GPC6: variants seen among roughly 807,000 people sequenced by gnomAD.
The protein encoded by GPC6 is glypican 6, also known as glypican-6.
A neutral mutation model predicts 55.2 loss-of-function variants in GPC6; 14 were observed. That is an observed-to-expected ratio of 0.25 (90% CI 0.17 to 0.40). The LOEUF (loss-of-function observed/expected upper bound fraction) is 0.40, where lower values mean the gene tolerates loss of function less well. Ranked by LOEUF, GPC6 falls within the 10% of genes least tolerant of loss-of-function variation. GPC6 has a pLI of 1.00. For synonymous variants in GPC6, 278 were observed against 259.6 expected (o/e 1.07, Z -0.68); for missense variants, 641 against 708.5 (o/e 0.90, Z 1.08).
chr13:94,053,427 C>T lies in GPC6; in HGVS notation c.877+25533C>T, dbSNP rs1884023977. Among the ~76,000 whole-genome samples, 4 of 152,074 alleles carry T rather than the reference C, an allele frequency of 2.6e-5. No homozygotes were observed. In the South Asian group the frequency reaches 8.3e-4, roughly 32 times the overall value. On this transcript the variant is annotated intron_variant, in intron 4 of 8. Coordinates refer to ENST00000377047, the MANE Select transcript of GPC6 (RefSeq NM_005708.5). ...ATCATGAGCTTTTGGGGGCTAAAAGCCCAAAGGTAGTAATTGTTAAAATTA... is the reference window on the plus strand; with the variant it reads ...ATCATGAGCTTTTGGGGGCTAAAAGTCCAAAGGTAGTAATTGTTAAAATTA...
intron 1 of GPC6, among the ~76,000 whole-genome samples, chr13:93,415,387 T>C (rs1876659430): frequency 6.6e-6 from 1 of 152,128 alleles, no homozygotes; most frequent in African/African-American, 2.4e-5. Flanking sequence ...TATTTATCCA[T>C]AGCATCCATA....
intron 2 of GPC6, among the ~76,000 whole-genome samples, chr13:93,775,678 A>T (rs1236639042): frequency 1.8e-4 from 28 of 152,200 alleles, no homozygotes; most frequent in Admixed American, 1.8e-3. Context: ...GACATTTTCA[A>T]ATTGTCAATT....
chr13:94,328,923 G>A (rs1033771767), intron 6 of GPC6, among the ~76,000 whole-genome samples: 6 of 152,166 alleles, frequency 3.9e-5, no homozygotes, highest in African/African-American at 1.2e-4. Flanking sequence ...CCCTTTGAGC[G>A]ACAGGACTGT....
intron 4 of GPC6, among the ~76,000 whole-genome samples, chr13:94,264,227 T>C (rs1194452655): frequency 1.3e-5 from 2 of 152,236 alleles, no homozygotes; most frequent in Non-Finnish European, 1.5e-5. Flanking sequence ...TTGCATTCTA[T>C]GTTTGGCTAA....
In GPC6 at chr13:93,723,620, G is replaced by A. The variant is rs146895779; in HGVS notation, c.320-106534G>A. On this transcript the variant is annotated intron_variant, in intron 2 of 8. Transcript: ENST00000377047. ...TTGTTCTAAGCTACTGTCTTTTGGTGTCATTTGTTATCCAGCCATGGATAA... is the reference window on the plus strand; with the variant it reads ...TTGTTCTAAGCTACTGTCTTTTGGTATCATTTGTTATCCAGCCATGGATAA... Among the ~76,000 whole-genome samples, 5 of 151,980 alleles carry A rather than the reference G, an allele frequency of 3.3e-5. No homozygotes were observed. In the East Asian group the frequency reaches 9.8e-4, roughly 30 times the overall value.
intron 3 of GPC6, among the ~76,000 whole-genome samples, chr13:94,000,256 C>CA (rs1299538376): frequency 6.6e-6 from 1 of 152,150 alleles, no homozygotes; most frequent in Non-Finnish European, 1.5e-5. Flanking sequence ...TAGCACCTGA[C>CA]AAATACTTTG....
intron 4 of GPC6, among the ~76,000 whole-genome samples, chr13:94,173,535 T>G (rs542326398): frequency 6.6e-6 from 1 of 152,268 alleles, no homozygotes; most frequent in Non-Finnish European, 1.5e-5. Flanking sequence ...AAGGGAGCAC[T>G]TACAAGTGTT....
At chr13:93,701,841 T>C (rs1882681478) in intron 2 of GPC6, among the ~76,000 whole-genome samples, 1 of 152,034 alleles carries the variant, frequency 6.6e-6, no homozygotes, top group African/African-American at 2.4e-5. Flanking sequence ...TTCAGTTACA[T>C]ACTCAGCCTC....
chr13:93,839,657 G>A (rs755361434), intron 3 of GPC6, among the ~76,000 whole-genome samples: 9 of 152,112 alleles, frequency 5.9e-5, no homozygotes, highest in Non-Finnish European at 1.2e-4. Flanking sequence ...GTGATACCAT[G>A]GGCCCAACTT....
chr13:93,268,575 T>G (rs1228937403), intron 1 of GPC6, among the ~76,000 whole-genome samples: 1 of 152,066 alleles, frequency 6.6e-6, no homozygotes, highest in Non-Finnish European at 1.5e-5. Context: ...AGACCAATTC[T>G]CGGTGAATTT....
intron 2 of GPC6, among the ~76,000 whole-genome samples, chr13:93,594,114 G>A (rs928712770): frequency 6.6e-6 from 1 of 151,818 alleles, no homozygotes; most frequent in Non-Finnish European, 1.5e-5. Flanking sequence ...GAGCTTAGAG[G>A]TAAGCAGGAT....
Position 93,763,214 on chromosome 13 carries a change from A to C in GPC6, c.320-66940A>C, listed in dbSNP as rs920064634. Among the ~76,000 whole-genome samples the C allele has an allele frequency of 3.3e-5, 5 of 152,234 alleles. No individual in the cohort carries two copies. In the East Asian group the frequency reaches 9.6e-4, roughly 29 times the overall value. On this transcript the variant is annotated intron_variant, in intron 2 of 8. Transcript: ENST00000377047. ...GGGGGTAGACACTCTGAAGGTCATT[A>C]GACATAGGTTGCTTCTTAGTGATGC... is the stretch of plus-strand genomic sequence containing the variant.
chr13:93,690,804 T>C (rs1244940660), intron 2 of GPC6, among the ~76,000 whole-genome samples: 1 of 152,122 alleles, frequency 6.6e-6, no homozygotes, highest in Non-Finnish European at 1.5e-5. Flanking sequence ...CAATTTCAGT[T>C]TTAATGAAGA....
At chr13:93,890,349 A>G (rs1231987277) in intron 3 of GPC6, among the ~76,000 whole-genome samples, 1 of 152,158 alleles carries the variant, frequency 6.6e-6, no homozygotes, top group East Asian at 1.9e-4. Context: ...CACAGAGGAA[A>G]TAAGACAGAG....
chr13:94,319,337 A>G (rs1876702113), intron 6 of GPC6, among the ~76,000 whole-genome samples: 1 of 152,198 alleles, frequency 6.6e-6, no homozygotes, highest in African/African-American at 2.4e-5. Context: ...TAACAATACA[A>G]GAGGACCTTA....
At chr13:93,870,008 T>C (rs1327422655) in intron 3 of GPC6, among the ~76,000 whole-genome samples, 9 of 151,878 alleles carry the variant, frequency 5.9e-5, no homozygotes, top group Admixed American at 5.9e-4. Flanking sequence ...TACTTGACTT[T>C]AGGCAAGTCA....
At chr13:93,739,324 T>G (rs903200848) in intron 2 of GPC6, among the ~76,000 whole-genome samples, 1 of 152,108 alleles carries the variant, frequency 6.6e-6, no homozygotes, top group Non-Finnish European at 1.5e-5. Context: ...CTTGAATATA[T>G]AAAAGGGAGT....
At chr13:94,259,919 C>G (rs1411222709) in intron 4 of GPC6, among the ~76,000 whole-genome samples, 1 of 152,128 alleles carries the variant, frequency 6.6e-6, no homozygotes, top group Non-Finnish European at 1.5e-5. Flanking sequence ...CACACACGCA[C>G]ACGATATTTT....
chr13:93,780,283 A>G (rs1885597548), intron 2 of GPC6, among the ~76,000 whole-genome samples: 1 of 152,124 alleles, frequency 6.6e-6, no homozygotes, highest in Admixed American at 6.6e-5. Flanking sequence ...AGCAAAAAAA[A>G]ACACATTGTT....
Sources: gnomAD v4.1 joint callset for allele counts (sites outside exome capture counted in the v4.1 genomes callset) on GRCh38, gnomAD v4.1.1 for gene constraint, MANE v1.5 for transcripts, NCBI Gene and HGNC (gene_info 2026-07-23, HGNC 2026-07-21) for gene names.